Variants in TTC28 observed in about 807,000 individuals in gnomAD.
The protein encoded by TTC28 is tetratricopeptide repeat domain 28, also known as tetratricopeptide repeat protein 28.
TTC28 carries 61 observed loss-of-function variants against 198.0 expected under a neutral mutation model. That is an observed-to-expected ratio of 0.31 (90% CI 0.25 to 0.38). The LOEUF is 0.38. Among genes scored for constraint, TTC28 ranks in the 10% least tolerant of loss-of-function variants. The pLI, the probability that TTC28 is intolerant of heterozygous loss-of-function variation, is 1.00. For missense variants in TTC28, 2,678 were observed against 3,164.0 expected, an observed-to-expected ratio of 0.85 and a Z score of 3.69; for synonymous variants, 1,171 against 1,297.8, an observed-to-expected ratio of 0.90 and a Z score of 2.10.
intron 5 of TTC28, among the ~76,000 whole-genome samples, chr22:28,181,981 T>C (rs944544316): frequency 3.9e-5 from 6 of 152,352 alleles, no homozygotes; most frequent in Admixed American, 6.5e-5. Flanking sequence ...AGAGACTTCA[T>C]AGTTCTATTA....
intron 5 of TTC28, among the ~76,000 whole-genome samples, chr22:28,266,491 G>A (rs762568381): frequency 2.0e-5 from 3 of 152,236 alleles, no homozygotes; most frequent in Non-Finnish European, 4.4e-5. Context: ...GTTCAGCCTC[G>A]TTCCCTTGCC....
intron 2 of TTC28, among the ~76,000 whole-genome samples, chr22:28,420,278 TAA>T (rs1326508003): frequency 6.6e-6 from 1 of 152,102 alleles, no homozygotes; most frequent in Non-Finnish European, 1.5e-5. Context: ...AGGGCTGCAG[TAA>T]AAAAAGAATT....
Position 28,069,925 on chromosome 22 carries a change from AACACACAC to A in TTC28, c.3932+24147_3932+24154del, listed in dbSNP as rs60436240. ...CTACACTAAATTGAAAGGTTGTACA[AACACACAC>A]ACACACACACACACACACACACACA... On this transcript the variant is annotated intron_variant, in intron 12 of 22. Coordinates refer to ENST00000397906, the MANE Select transcript of TTC28 (RefSeq NM_001145418.2). Among the ~76,000 whole-genome samples the A allele has an allele frequency of 6.6e-3, 932 of 142,118 alleles. 5 individuals carry two copies. The highest frequency in any genetic ancestry group is 0.03 in the East Asian group (144 of 4,802). 93.2% of individuals were successfully genotyped at this position (142,118 alleles called of 152,430 possible).
At chr22:28,670,151 T>G (rs866362118) in intron 1 of TTC28, among the ~76,000 whole-genome samples, 2 of 150,456 alleles carry the variant, frequency 1.3e-5, no homozygotes, top group Non-Finnish European at 1.5e-5. Flanking sequence ...TTTTAAGGGT[T>G]AGACTTTTAT....
chr22:28,647,615 A>T (rs1181485170), intron 1 of TTC28, among the ~76,000 whole-genome samples: 1 of 150,704 alleles, frequency 6.6e-6, no homozygotes, highest in African/African-American at 2.4e-5. Context: ...CAAGGTGGGC[A>T]GATCATGAGG....
chr22:28,012,503 G>A (rs1471655323), intron 14 of TTC28, among the ~76,000 whole-genome samples: 7 of 152,130 alleles, frequency 4.6e-5, no homozygotes, highest in Admixed American at 3.3e-4. Flanking sequence ...CTGCCTCAGG[G>A]GCTTTATGCA....
At chr22:28,402,707 A>C (rs2046935200) in intron 2 of TTC28, among the ~76,000 whole-genome samples, 1 of 152,346 alleles carries the variant, frequency 6.6e-6, no homozygotes, top group African/African-American at 2.4e-5. Flanking sequence ...CTTAAGACTC[A>C]GTTTCTTCCG....
intron 2 of TTC28, among the ~76,000 whole-genome samples, chr22:28,587,280 A>G (rs2146078138): frequency 6.6e-6 from 1 of 152,302 alleles, no homozygotes; most frequent in Non-Finnish European, 1.5e-5. Flanking sequence ...AATTGTTTGA[A>G]CATCACTTAA....
chr22:28,556,911 G>C (rs1008659162), intron 2 of TTC28, among the ~76,000 whole-genome samples: 1 of 152,196 alleles, frequency 6.6e-6, no homozygotes, highest in Non-Finnish European at 1.5e-5. Context: ...ACAACATGGT[G>C]ATTGGCTTCA....
intron 1 of TTC28, among the ~76,000 whole-genome samples, chr22:28,675,105 T>C (rs1316137398): frequency 2.0e-5 from 3 of 152,152 alleles, no homozygotes; most frequent in Admixed American, 6.6e-5. Context: ...TTCAAGTGAT[T>C]CTCAAAAAAG....
intron 2 of TTC28, among the ~76,000 whole-genome samples, chr22:28,590,268 C>T (rs1373418022): frequency 1.3e-5 from 2 of 151,442 alleles, no homozygotes; most frequent in African/African-American, 4.8e-5. Flanking sequence ...GCTGGGACTA[C>T]AGGCGCCCAC....
intron 2 of TTC28, among the ~76,000 whole-genome samples, chr22:28,533,227 A>G (rs2049181239): frequency 6.6e-6 from 1 of 152,200 alleles, no homozygotes; most frequent in African/African-American, 2.4e-5. Context: ...TAAAAAAATC[A>G]ATGTGCAAAA....
chr22:28,321,382 T>C (rs940043887), intron 2 of TTC28, among the ~76,000 whole-genome samples: 4 of 152,242 alleles, frequency 2.6e-5, no homozygotes, highest in African/African-American at 9.6e-5. Flanking sequence ...TTCTGTGTCA[T>C]TTCTGATTTT....
Position 28,501,674 on chromosome 22 carries a change from A to G in TTC28, c.381+127878T>C, listed in dbSNP as rs183919530. On this transcript the variant is annotated intron_variant, in intron 2 of 22. Transcript: ENST00000397906. Reference sequence around the variant, plus strand: ...TCTTATGTACCCCATAAATATGTAAAATATTACATATCAATGCAATTTTTA... The same window carrying G: ...TCTTATGTACCCCATAAATATGTAAGATATTACATATCAATGCAATTTTTA... Among the ~76,000 whole-genome samples, 8 of 152,326 alleles carry G rather than the reference A, an allele frequency of 5.3e-5. No individual in the cohort carries two copies. The South Asian group carries it at 8.3e-4, about 16-fold the overall frequency.
At position 27,983,185 on chromosome 22, in the gene TTC28, T is replaced by C; in HGVS notation, c.6482A>G (p.Glu2161Gly). ...EESNPKLDPQ[E>G]LAQKILEETQ... ...CTCCTCCAGAATTTTCTGGGCTAAC[T>C]CTTGTGGATCCAGTTTTGGGTTGCT... The change falls in exon 23 of 23, where the codon GAG becomes GGG. Residue 2161 changes from glutamate to glycine, a missense_variant. Coordinates refer to ENST00000397906, the MANE Select transcript of TTC28 (RefSeq NM_001145418.2). The C allele has an allele frequency of 6.4e-7, 1 of 1,551,808 alleles. No individual in the cohort carries two copies. Among genetic ancestry groups the C allele is most frequent in the South Asian group, 1.2e-5 (1 of 84,056 alleles).
At chr22:28,221,639 C>T (rs1927880410) in intron 5 of TTC28, among the ~76,000 whole-genome samples, 1 of 152,160 alleles carries the variant, frequency 6.6e-6, no homozygotes. Flanking sequence ...ACCACTGGAA[C>T]ACCCTGCTGT....
intron 12 of TTC28, among the ~76,000 whole-genome samples, chr22:28,037,789 C>T (rs1345285592): frequency 1.3e-5 from 2 of 152,218 alleles, no homozygotes; most frequent in African/African-American, 4.8e-5. Flanking sequence ...AGCCCAAAAT[C>T]TCCTTAAGCT....
intron 5 of TTC28, among the ~76,000 whole-genome samples, chr22:28,225,230 A>G (rs1031933831): frequency 1.3e-5 from 2 of 151,806 alleles, no homozygotes; most frequent in South Asian, 2.1e-4. Context: ...TGGTGCATGC[A>G]TGTAGTCCCA....
chr22:28,302,039 AAAT>A (rs10656307), intron 3 of TTC28, among the ~76,000 whole-genome samples: 111 of 145,598 alleles, frequency 7.6e-4, no homozygotes, highest in Non-Finnish European at 9.2e-4. Context: ...TCCTGTCTCA[AAAT>A]AATAATAATA....
Sources: allele counts gnomAD v4.1 joint callset (sites outside exome capture counted in the v4.1 genomes callset), GRCh38; gene constraint gnomAD v4.1.1; transcripts MANE v1.5; gene names NCBI Gene and HGNC (gene_info 2026-07-23, HGNC 2026-07-21).